The following DIS3L2 variants were observed in gnomAD, a reference collection of about 807,000 sequenced individuals.
The protein encoded by DIS3L2 is DIS3 like 3'-5' exoribonuclease 2.
DIS3L2 carries 34 observed loss-of-function variants against 97.5 expected under a neutral mutation model. That is an observed-to-expected ratio of 0.35 (90% CI 0.27 to 0.46). The LOEUF (loss-of-function observed/expected upper bound fraction) is 0.46. Ranked by LOEUF, DIS3L2 falls within the 20% of genes least tolerant of loss-of-function variation. The probability of loss-of-function intolerance (pLI) is 1.00; values close to 1 mark genes in which losing one functional copy is unlikely to be tolerated. For synonymous variants in DIS3L2, 435 were observed against 445.2 expected, an observed-to-expected ratio of 0.98 and a Z score of 0.29; for missense variants, 1,038 against 1,146.0, an observed-to-expected ratio of 0.91 and a Z score of 1.36.
intron 6 of DIS3L2, among the ~76,000 whole-genome samples, chr2:232,110,399 T>A (rs1462021497): frequency 6.6e-6 from 1 of 152,188 alleles, no homozygotes; most frequent in East Asian, 1.9e-4. Flanking sequence ...CATGCGTATG[T>A]TCATTGGAGC....
intron 10 of DIS3L2, among the ~76,000 whole-genome samples, chr2:232,226,999 CA>C (rs200341353): frequency 3.3e-5 from 5 of 150,082 alleles, no homozygotes; most frequent in Admixed American, 1.3e-4. Flanking sequence ...AAAACAAAAA[CA>C]AAAAAAAACC....
At chr2:232,227,916 G>A (rs1692690875) in intron 10 of DIS3L2, among the ~76,000 whole-genome samples, 1 of 152,144 alleles carries the variant, frequency 6.6e-6, no homozygotes, top group African/African-American at 2.4e-5. Context: ...TATATCTCTT[G>A]TATATTTGGC....
chr2:232,261,615 A>G (rs1317958036), intron 12 of DIS3L2, among the ~76,000 whole-genome samples: 1 of 152,208 alleles, frequency 6.6e-6, no homozygotes, highest in African/African-American at 2.4e-5. Flanking sequence ...CAGCGTCTCC[A>G]GAACCCATTT....
chr2:231,966,846 A>T (rs1411887001), intron 1 of DIS3L2, among the ~76,000 whole-genome samples: 3 of 151,796 alleles, frequency 2.0e-5, no homozygotes, highest in Non-Finnish European at 1.5e-5. Flanking sequence ...ATGGCAGAAG[A>T]TGCTCCTTTT....
At chr2:232,107,104 C>T (rs1697378010) in intron 6 of DIS3L2, among the ~76,000 whole-genome samples, 1 of 152,086 alleles carries the variant, frequency 6.6e-6, no homozygotes, top group Non-Finnish European at 1.5e-5. Context: ...GCAACTAACG[C>T]AGTGTTAAGA....
At chr2:232,229,895 A>G (rs186567503) in intron 10 of DIS3L2, among the ~76,000 whole-genome samples, 25 of 152,204 alleles carry the variant, frequency 1.6e-4, no homozygotes, top group African/African-American at 5.1e-4. Context: ...AGAAGAAGAA[A>G]ATCCAGACTC....
intron 9 of DIS3L2, among the ~76,000 whole-genome samples, chr2:232,209,723 A>G (rs1458808213): frequency 6.6e-6 from 1 of 152,170 alleles, no homozygotes; most frequent in Non-Finnish European, 1.5e-5. Flanking sequence ...CAGAATGAGA[A>G]TGTCTGGGAG....
At chr2:232,074,105 A>G (rs1373834125) in intron 5 of DIS3L2, among the ~76,000 whole-genome samples, 1 of 152,196 alleles carries the variant, frequency 6.6e-6, no homozygotes, top group Non-Finnish European at 1.5e-5. Context: ...CTGGAGTTAT[A>G]ATTTAGATAT....
At position 232,238,607 on chromosome 2, in the gene DIS3L2, G is replaced by C; in HGVS notation, c.1279G>C (p.Ala427Pro). 6.2e-7 allele frequency: 1 copy of C among 1,614,178 alleles called. No homozygotes were observed. Among genetic ancestry groups the C allele is most frequent in the Non-Finnish European group, 8.5e-7 (1 of 1,180,018 alleles). ...GGAGGGATCTGATCTGGATAAAGTG[G>C]CTGCCGAGAGGGCTACAAGCGTCTA... Reference protein sequence around the residue: ...VPEGSDLDKVAAERATSVYLV... With the variant: ...VPEGSDLDKVPAERATSVYLV... The change falls in exon 11 of 21, where the codon GCT becomes CCT. Residue 427 changes from alanine to proline, a missense_variant. Around this residue, in one of 3 missense-constraint regions of DIS3L2, gnomAD observed 813 missense variants for 880.1 expected, o/e 0.92. Transcript: ENST00000325385.
chr2:232,247,643 GA>G lies in DIS3L2; in HGVS notation c.1318-1595del, dbSNP rs1559173673. Reference sequence around the variant, plus strand: ...GGGGGGGGGGGGGGGGGGCGGGGGGGAGGGTGCCAATTCAGTCCCTAGGATA... The same window carrying G: ...GGGGGGGGGGGGGGGGGGCGGGGGGGGGGTGCCAATTCAGTCCCTAGGATA... On this transcript the variant is annotated intron_variant, in intron 11 of 20. Coordinates refer to ENST00000325385, the MANE Select transcript of DIS3L2 (RefSeq NM_152383.5). 5.9e-3 allele frequency among the ~76,000 whole-genome samples: 315 copies of G among 53,756 alleles called. 2 individuals are homozygous for G. The highest frequency in any genetic ancestry group is 6.9e-3 in the African/African-American group (113 of 16,436). The allele number at this position is 53,756 out of a possible 152,430, so 35.3% of individuals were successfully genotyped here. A position where few individuals can be genotyped will look rare whatever the true frequency, so the allele number is the denominator to read the frequency against.
chr2:232,267,148 G>A (rs1160991295), intron 13 of DIS3L2, among the ~76,000 whole-genome samples: 1 of 152,206 alleles, frequency 6.6e-6, no homozygotes, highest in African/African-American at 2.4e-5. Flanking sequence ...TCAGCCCTCA[G>A]GGCCACCTAG....
chr2:232,314,457 G>T (rs1406280368), intron 14 of DIS3L2, among the ~76,000 whole-genome samples: 23 of 151,718 alleles, frequency 1.5e-4, no homozygotes, highest in Non-Finnish European at 1.5e-5. Flanking sequence ...GGGCCCTGGG[G>T]CTGAAGGGAG....
intron 10 of DIS3L2, among the ~76,000 whole-genome samples, chr2:232,224,642 C>T (rs1375750141): frequency 2.6e-5 from 4 of 151,956 alleles, no homozygotes; most frequent in Non-Finnish European, 5.9e-5. Context: ...AGTTCGACAC[C>T]AGCCTGGTCA....
intron 3 of DIS3L2, 77 bp downstream of exon 3, chr2:232,015,748 G>A: frequency 6.5e-7 from 1 of 1,527,448 alleles, no homozygotes; most frequent in Non-Finnish European, 8.9e-7. Context: ...TTCCTGTTCT[G>A]TGCTATATGC....
intron 1 of DIS3L2, among the ~76,000 whole-genome samples, chr2:232,000,816 C>G (rs1426432810): frequency 6.8e-6 from 1 of 147,902 alleles, no homozygotes; most frequent in Non-Finnish European, 1.5e-5. Flanking sequence ...GTTCTCCTAC[C>G]TTGGCCTCCC....
At chr2:232,272,193 G>C (rs1427939551) in intron 13 of DIS3L2, among the ~76,000 whole-genome samples, 1 of 152,144 alleles carries the variant, frequency 6.6e-6, no homozygotes, top group Non-Finnish European at 1.5e-5. Flanking sequence ...CATTATTCTG[G>C]AAGTTGTTAA....
chr2:232,237,480 C>G (rs985746551), intron 10 of DIS3L2, among the ~76,000 whole-genome samples: 2 of 152,216 alleles, frequency 1.3e-5, no homozygotes, highest in African/African-American at 4.8e-5. Flanking sequence ...AGGTACTCTT[C>G]CAGGCCTTGG....
intron 9 of DIS3L2, among the ~76,000 whole-genome samples, chr2:232,192,154 G>C (rs1211323541): frequency 6.6e-6 from 1 of 152,026 alleles, no homozygotes; most frequent in Non-Finnish European, 1.5e-5. Context: ...TTTTGTTAAT[G>C]GGGTATATAT....
At chr2:232,163,210 T>C (rs1299712164) in intron 8 of DIS3L2, among the ~76,000 whole-genome samples, 1 of 152,180 alleles carries the variant, frequency 6.6e-6, no homozygotes, top group African/African-American at 2.4e-5. Context: ...GCCTTCTGGC[T>C]CTGTTTCTCA....
Sources: gnomAD v4.1 joint callset for allele counts (sites outside exome capture counted in the v4.1 genomes callset) on GRCh38, gnomAD v4.1.1 for gene constraint, gnomAD v4.1.1 regional missense constraint, MANE v1.5 for transcripts, NCBI Gene and HGNC (gene_info 2026-07-23, HGNC 2026-07-21) for gene names.